Variants in TMEM17 observed in about 807,000 individuals in gnomAD.
TMEM17 encodes the protein transmembrane protein 17.
Under a neutral mutation model 19.1 loss-of-function variants are expected in TMEM17, and 15 were observed. The ratio of observed to expected loss-of-function variants is 0.78; its 90% CI spans 0.52 to 1.21. The LOEUF (loss-of-function observed/expected upper bound fraction) is 1.21, where lower values mean the gene tolerates loss of function less well. TMEM17 is among the 50% of genes most tolerant of loss of function. The probability of loss-of-function intolerance (pLI) is 0.00; values close to 1 mark genes in which losing one functional copy is unlikely to be tolerated. For missense variants in TMEM17, 245 were observed against 242.3 expected (o/e 1.01, Z -0.07); for synonymous variants, 103 against 86.9 (o/e 1.19, Z -1.03).
At chr2:62,465,511 G>T in the TMEM17 span, among the ~76,000 whole-genome samples, 1 of 152,034 alleles carries the variant, frequency 6.6e-6, no homozygotes, top group African/African-American at 2.4e-5. Context: ...AGTAGCTCAG[G>T]CCTGTAATCC....
At chr2:62,470,564 C>T in the TMEM17 span, among the ~76,000 whole-genome samples, 1 of 152,198 alleles carries the variant, frequency 6.6e-6, no homozygotes, top group Non-Finnish European at 1.5e-5. Context: ...GACAACCAGC[C>T]CTCACCTCCT....
chr2:62,469,998 C>T, the TMEM17 span, among the ~76,000 whole-genome samples: 25 of 152,198 alleles, frequency 1.6e-4, no homozygotes, highest in Non-Finnish European at 3.4e-4. Context: ...GGGCCTTGAT[C>T]CACATGTCCA....
chr2:62,487,717 C>A, the TMEM17 span, among the ~76,000 whole-genome samples: 1 of 152,216 alleles, frequency 6.6e-6, no homozygotes, highest in Admixed American at 6.5e-5. Flanking sequence ...TTGTTCGAGA[C>A]GAAGTCTCGC....
At chr2:62,500,015 C>G (rs2103725867), downstream of TMEM17, among the ~76,000 whole-genome samples, 1 of 152,256 alleles carries the variant, frequency 6.6e-6, no homozygotes, top group East Asian at 1.9e-4. Context: ...CAAATCAAGC[C>G]TCACGTGAAT....
chr2:62,478,113 G>A, the TMEM17 span, among the ~76,000 whole-genome samples: 1 of 152,192 alleles, frequency 6.6e-6, no homozygotes, highest in Non-Finnish European at 1.5e-5. Context: ...TAAAATAAAT[G>A]ACTCTAGTGG....
chr2:62,457,271 CT>C, the TMEM17 span, among the ~76,000 whole-genome samples: 2 of 152,230 alleles, frequency 1.3e-5, no homozygotes, highest in African/African-American at 2.4e-5. This position sits in a 1 kb window ranked among gnomAD's most constrained non-coding sequence, Gnocchi z 4.2. Context: ...CACTTCTCCC[CT>C]GGCCCGCTGC....
At chr2:62,457,412 G>T in the TMEM17 span, among the ~76,000 whole-genome samples, 1 of 152,208 alleles carries the variant, frequency 6.6e-6, no homozygotes, top group East Asian at 1.9e-4. This position sits in a 1 kb window ranked among gnomAD's most constrained non-coding sequence, Gnocchi z 4.2. Flanking sequence ...CGGCGGGAAG[G>T]CCCCGGAGGG....
chr2:62,489,869 C>T, the TMEM17 span, among the ~76,000 whole-genome samples: 1 of 152,168 alleles, frequency 6.6e-6, no homozygotes, highest in Non-Finnish European at 1.5e-5. Flanking sequence ...ACAGTCTTTA[C>T]ACATATTAAA....
At chr2:62,465,963 C>T in the TMEM17 span, among the ~76,000 whole-genome samples, 17 of 152,030 alleles carry the variant, frequency 1.1e-4, no homozygotes, top group African/African-American at 3.9e-4. Flanking sequence ...CCTCAAATGC[C>T]AAACTGGAGA....
At chr2:62,467,883 C>CTT in the TMEM17 span, among the ~76,000 whole-genome samples, 2 of 135,086 alleles carry the variant, frequency 1.5e-5, no homozygotes, top group Non-Finnish European at 1.6e-5. Flanking sequence ...GCCATCTCTC[C>CTT]TTTTTTTTTT....
At chr2:62,456,960 C>T in the TMEM17 span, among the ~76,000 whole-genome samples, 1 of 152,262 alleles carries the variant, frequency 6.6e-6, no homozygotes, top group East Asian at 1.9e-4. Flanking sequence ...TGCCTTCTCC[C>T]AGCTCCCCTC....
the TMEM17 span, among the ~76,000 whole-genome samples, chr2:62,490,660 G>A: frequency 6.6e-6 from 1 of 152,300 alleles, no homozygotes; most frequent in African/African-American, 2.4e-5. Context: ...TAGATTCAGA[G>A]GGCTGTGAAG....
At chr2:62,465,867 G>C in the TMEM17 span, among the ~76,000 whole-genome samples, 5 of 152,126 alleles carry the variant, frequency 3.3e-5, no homozygotes, top group Admixed American at 2.6e-4. Flanking sequence ...AGGTGGGTAG[G>C]GGGCGTAAGT....
chr2:62,486,278 A>G, the TMEM17 span, among the ~76,000 whole-genome samples: 2 of 149,016 alleles, frequency 1.3e-5, no homozygotes, highest in Non-Finnish European at 3.0e-5. Context: ...TGGGGCCTGA[A>G]GATGTGGACA....
At chr2:62,495,607 T>TGA (rs1679757752), downstream of TMEM17, among the ~76,000 whole-genome samples, 1 of 152,250 alleles carries the variant, frequency 6.6e-6, no homozygotes, top group Admixed American at 6.5e-5. Context: ...ATCTTTTCTA[T>TGA]GACCAAAATC....
At chr2:62,477,397 A>AAAAT in the TMEM17 span, among the ~76,000 whole-genome samples, 1 of 151,734 alleles carries the variant, frequency 6.6e-6, no homozygotes, top group Non-Finnish European at 1.5e-5. Context: ...ACTCCGTCTC[A>AAAAT]AAACAAACAA....
chr2:62,474,812 G>A, the TMEM17 span, among the ~76,000 whole-genome samples: 2 of 152,118 alleles, frequency 1.3e-5, no homozygotes, highest in Non-Finnish European at 2.9e-5. Context: ...GTCTCTGACT[G>A]TTGGAATCTG....
At chr2:62,503,493 T>G (rs62178014) in intron 1 of TMEM17, among the ~76,000 whole-genome samples, 19,005 of 152,184 alleles carry the variant, frequency 0.12, 1,344 homozygotes, top group Non-Finnish European at 0.16. Flanking sequence ...TCCCCAAACC[T>G]CTGTGACCCT....
At chr2:62,505,955 A>T in intron 1 of TMEM17, 75 bp downstream of exon 1, 8 of 1,391,452 alleles carry the variant, frequency 5.7e-6, no homozygotes, top group Non-Finnish European at 7.9e-6. Flanking sequence ...AGGTACGGGC[A>T]AATTCTGGAC....
Sources: allele counts gnomAD v4.1 joint callset (sites outside exome capture counted in the v4.1 genomes callset), GRCh38; gene constraint gnomAD v4.1.1; non-coding constraint Gnocchi (gnomAD v3.1); transcripts MANE v1.5; gene names NCBI Gene and HGNC (gene_info 2026-07-23, HGNC 2026-07-21).